BCL2: variants seen among roughly 807,000 people sequenced by gnomAD.
BCL2 encodes the protein BCL2 apoptosis regulator.
A neutral mutation model predicts 14.2 loss-of-function variants in BCL2; 1 was observed. That is an observed-to-expected ratio of 0.07 (90% CI 0.02 to 0.33). BCL2 has a LOEUF of 0.33. Among genes scored for constraint, BCL2 ranks in the 10% least tolerant of loss-of-function variants. The pLI, the probability that BCL2 is intolerant of heterozygous loss-of-function variation, is 0.99. For synonymous variants in BCL2, 151 were observed against 137.2 expected, an observed-to-expected ratio of 1.10 and a Z score of -0.70; for missense variants, 247 against 305.9, an observed-to-expected ratio of 0.81 and a Z score of 1.44.
intron 2 of BCL2, among the ~76,000 whole-genome samples, chr18:63,313,091 T>A (rs933067256): frequency 6.6e-6 from 1 of 152,136 alleles, no homozygotes. Flanking sequence ...CAAAATAACT[T>A]ATAGTTATTT....
In BCL2 at chr18:63,123,380, A is replaced by G. The variant is rs1681830253; in HGVS notation, c.*5245T>C. 2 of 190,048 alleles carry G rather than the reference A, an allele frequency of 1.1e-5. No individual in the cohort carries two copies. The highest frequency in any genetic ancestry group is 2.2e-5 in the Non-Finnish European group (2 of 90,488). The allele number at this position is 190,048 out of a possible 1,614,324, so 11.8% of individuals were successfully genotyped here. ...ACACTGTACTTTATTTTTCTTCACA[A>G]TATTAACTAGACAGACAAGGAAAGT... On this transcript the variant is annotated 3_prime_UTR_variant, in exon 3 of 3. Transcript: ENST00000333681.
chr18:63,196,477 T>A (rs1357228010), intron 2 of BCL2, among the ~76,000 whole-genome samples: 1 of 152,140 alleles, frequency 6.6e-6, no homozygotes, highest in African/African-American at 2.4e-5. Flanking sequence ...TTCTTCTCGA[T>A]GGAAAGAAAC....
intron 2 of BCL2, among the ~76,000 whole-genome samples, chr18:63,216,426 G>A (rs1011348581): frequency 2.7e-5 from 4 of 149,504 alleles, no homozygotes; most frequent in Admixed American, 6.6e-5. Flanking sequence ...AAGAATGAGT[G>A]AAACTTTGCT....
intron 2 of BCL2, among the ~76,000 whole-genome samples, chr18:63,225,890 C>A (rs1414007053): frequency 6.6e-6 from 1 of 152,162 alleles, no homozygotes; most frequent in Non-Finnish European, 1.5e-5. Flanking sequence ...TCCATGGACG[C>A]CTTAAGTGCT....
chr18:63,317,498 CACA>C, intron 2 of BCL2: 1 of 956,736 alleles, frequency 1.0e-6, no homozygotes, highest in Non-Finnish European at 1.2e-6. Flanking sequence ...TCTTTACAAA[CACA>C]ACTAAGTTTT....
At chr18:63,266,005 T>C (rs927004496) in intron 2 of BCL2, among the ~76,000 whole-genome samples, 2 of 152,160 alleles carry the variant, frequency 1.3e-5, no homozygotes, top group Non-Finnish European at 2.9e-5. Flanking sequence ...AGGGACAATC[T>C]GGCACTATCT....
At chr18:63,171,287 T>C (rs919679117) in intron 2 of BCL2, among the ~76,000 whole-genome samples, 3 of 152,252 alleles carry the variant, frequency 2.0e-5, no homozygotes, top group African/African-American at 7.2e-5. Context: ...ATCTGGCCTT[T>C]TAACCTTTTA....
intron 2 of BCL2, among the ~76,000 whole-genome samples, chr18:63,266,584 G>A (rs1051099481): frequency 4.1e-5 from 6 of 146,610 alleles, no homozygotes; most frequent in African/African-American, 1.3e-4. Context: ...TGACAAACCC[G>A]GAACCAATTT....
At chr18:63,255,960 A>G (rs1446993707) in intron 2 of BCL2, among the ~76,000 whole-genome samples, 4 of 152,210 alleles carry the variant, frequency 2.6e-5, no homozygotes, top group Middle Eastern at 3.2e-3. Flanking sequence ...ATTCAATTCA[A>G]TGTGGCAAGG....
chr18:63,297,223 G>A (rs1432120122), intron 2 of BCL2, among the ~76,000 whole-genome samples: 1 of 151,710 alleles, frequency 6.6e-6, no homozygotes, highest in East Asian at 1.9e-4. Flanking sequence ...AAAAAAAAAA[G>A]AAAGAAAGAA....
intron 2 of BCL2, chr18:63,302,542 T>A: frequency 1.0e-6 from 1 of 985,444 alleles, no homozygotes; most frequent in African/African-American, 1.7e-5. Context: ...CCAGGGAAGA[T>A]GTTGAATTGA....
chr18:63,175,181 TG>T (rs1915325467), intron 2 of BCL2, among the ~76,000 whole-genome samples: 1 of 152,214 alleles, frequency 6.6e-6, no homozygotes, highest in South Asian at 2.1e-4. Context: ...GAAAAAATAC[TG>T]GAAAAGAAGG....
chr18:63,261,073 T>A (rs572076722), intron 2 of BCL2, among the ~76,000 whole-genome samples: 1 of 152,338 alleles, frequency 6.6e-6, no homozygotes, highest in South Asian at 2.1e-4. Context: ...ATGCAGGTAC[T>A]GCCAGGCTGC....
chr18:63,157,603 GCAGTGCA>G (rs1914816533), intron 2 of BCL2, among the ~76,000 whole-genome samples: 1 of 152,158 alleles, frequency 6.6e-6, no homozygotes, highest in Non-Finnish European at 1.5e-5. Context: ...TAATTGTAAC[GCAGTGCA>G]CTGTGTAAAG....
chr18:63,255,327 G>A (rs377744736), intron 2 of BCL2, among the ~76,000 whole-genome samples: 1 of 152,314 alleles, frequency 6.6e-6, no homozygotes, highest in East Asian at 1.9e-4. Context: ...CAAACTCAGG[G>A]ATGCTGCTGG....
chr18:63,242,552 A>G (rs890381519), intron 2 of BCL2, among the ~76,000 whole-genome samples: 1 of 152,096 alleles, frequency 6.6e-6, no homozygotes, highest in Non-Finnish European at 1.5e-5. Context: ...CCAGTGCCCA[A>G]CTATCCTGAG....
intron 2 of BCL2, among the ~76,000 whole-genome samples, chr18:63,172,744 G>A (rs1033318789): frequency 6.6e-6 from 1 of 152,200 alleles, no homozygotes; most frequent in African/African-American, 2.4e-5. Context: ...TCGTGCCACT[G>A]CACTCCAGCC....
At chr18:63,275,710 G>T (rs984122758) in intron 2 of BCL2, among the ~76,000 whole-genome samples, 1 of 152,216 alleles carries the variant, frequency 6.6e-6, no homozygotes, top group Non-Finnish European at 1.5e-5. Flanking sequence ...GGCCAGGCAT[G>T]GGGGATTCCA....
At chr18:63,211,173 C>T (rs571249908) in intron 2 of BCL2, among the ~76,000 whole-genome samples, 26 of 147,096 alleles carry the variant, frequency 1.8e-4, no homozygotes, top group African/African-American at 5.3e-4. Flanking sequence ...TGGGTTCCAG[C>T]GATTCTCCCG....
Sources: allele counts gnomAD v4.1 joint callset (sites outside exome capture counted in the v4.1 genomes callset), GRCh38; gene constraint gnomAD v4.1.1; transcripts MANE v1.5; gene names NCBI Gene and HGNC (gene_info 2026-07-23, HGNC 2026-07-21).